SLC19A2: variants seen among roughly 807,000 people sequenced by gnomAD.
The protein encoded by SLC19A2 is thiamine transporter 1.
A neutral mutation model predicts 44.7 loss-of-function variants in SLC19A2; 27 were observed. The ratio of observed to expected loss-of-function variants is 0.60; its 90% CI spans 0.45 to 0.83. The LOEUF (loss-of-function observed/expected upper bound fraction) is 0.83. Among genes scored for constraint, SLC19A2 ranks in the 40% least tolerant of loss-of-function variants. The pLI is 0.00. For synonymous variants in SLC19A2, 239 were observed against 243.6 expected, an observed-to-expected ratio of 0.98 and a Z score of 0.18; for missense variants, 566 against 613.7, an observed-to-expected ratio of 0.92 and a Z score of 0.82.
In SLC19A2 at chr1:169,477,668, T is replaced by C; in HGVS notation, c.294A>G (p.Lys98=). 6.2e-7 allele frequency: 1 copy of C among 1,613,462 alleles called. No homozygotes were observed. The highest frequency in any genetic ancestry group is 8.5e-7 in the Non-Finnish European group (1 of 1,179,844). ...VFLATDYLRY[K]PVVLLQGLSL... ...TGAGCCCCTGCAGTAGAACAACAGG[T>C]TTATAACGGAGGTAGTCTGTGGCAA... is the stretch of plus-strand genomic sequence containing the variant. Residue 98 remains lysine (K), a synonymous_variant, in exon 2 of 6, where the codon AAA becomes AAG. Coordinates refer to ENST00000236137, the MANE Select transcript of SLC19A2 (RefSeq NM_006996.3).
At chr1:169,466,056 C>A in intron 5 of SLC19A2, 79 bp from the exon 6 acceptor site, 1 of 1,560,140 alleles carries the variant, frequency 6.4e-7, no homozygotes, top group East Asian at 2.3e-5. Context: ...CAGAATTTGT[C>A]CATAAAGCCT....
rs763183040 is a variant in SLC19A2, at chr1:169,468,743, G to C, written c.1124C>G (p.Ala375Gly). 1 of 1,613,662 alleles carries C rather than the reference G, an allele frequency of 6.2e-7. No individual in the cohort carries two copies. The highest frequency in any genetic ancestry group is 1.3e-5 in the African/African-American group (1 of 74,958). ...TLSLFSLLIA[A>G]AVYIMDTVGN... is the part of the protein sequence containing the mutation. ...CACAGTGTCCATGATATACACTGCA[G>C]CAGCAATCAGGAGAGAAAAGAGAGA... The change falls in exon 4 of 6, where the codon GCT becomes GGT. Residue 375 changes from alanine to glycine, a missense_variant. By Grantham distance (60) the Ala-to-Gly change is moderately conservative (BLOSUM62 0). Coordinates refer to ENST00000236137, the MANE Select transcript of SLC19A2 (RefSeq NM_006996.3).
intron 4 of SLC19A2, 95 bp from the exon 5 acceptor site, chr1:169,468,347 TGAA>T (rs1658085175): frequency 1.8e-6 from 2 of 1,098,456 alleles, no homozygotes; most frequent in Admixed American, 2.4e-5. Flanking sequence ...TCTTTAAACA[TGAA>T]GAGTCCTTCT....
intron 1 of SLC19A2, among the ~76,000 whole-genome samples, chr1:169,481,686 T>C (rs1407415613): frequency 1.3e-5 from 2 of 152,234 alleles, no homozygotes; most frequent in African/African-American, 2.4e-5. Flanking sequence ...ACATCTGCTA[T>C]GTGAGCAACG....
At chr1:169,475,192 A>G (rs1313928189) in intron 2 of SLC19A2, among the ~76,000 whole-genome samples, 1 of 152,188 alleles carries the variant, frequency 6.6e-6, no homozygotes, top group Non-Finnish European at 1.5e-5. Context: ...GTGTATCTAT[A>G]AACAAGTATT....
At chr1:169,478,399 G>A (rs1658376134) in intron 1 of SLC19A2, among the ~76,000 whole-genome samples, 1 of 151,162 alleles carries the variant, frequency 6.6e-6, no homozygotes, top group African/African-American at 2.4e-5. Flanking sequence ...TGTCACCTAG[G>A]CTGGAATGCA....
chr1:169,465,797 G>A lies in SLC19A2; in HGVS notation c.*52C>T. The A allele has an allele frequency of 6.2e-7, 1 of 1,601,418 alleles. No individual in the cohort carries two copies. Among genetic ancestry groups the A allele is most frequent in the Non-Finnish European group, 8.5e-7 (1 of 1,171,082 alleles). ...CGCTTTAAAAAATCAAACACATCCA[G>A]GCAGTTGCTGTGCAGAGTTCTTGCT... On this transcript the variant is annotated 3_prime_UTR_variant, in exon 6 of 6. Transcript: ENST00000236137.
intron 2 of SLC19A2, among the ~76,000 whole-genome samples, chr1:169,471,675 C>CGTGTGT (rs140548510): frequency 0.24 from 30,995 of 131,510 alleles, 4,358 homozygotes; most frequent in Non-Finnish European, 0.32. Flanking sequence ...AAAAAACAAA[C>CGTGTGT]GTGTGTGTGT....
chr1:169,470,163 A>C lies in SLC19A2; in HGVS notation c.831T>G (p.Leu277=). 1.9e-6 allele frequency: 3 copies of C among 1,614,060 alleles called. No homozygotes were observed. Among genetic ancestry groups the C allele is most frequent in the Non-Finnish European group, 2.5e-6 (3 of 1,179,954 alleles). The change falls in exon 3 of 6, where the codon CTT becomes CTG. Residue 277 remains leucine (L), a synonymous_variant. Coordinates refer to ENST00000236137, the MANE Select transcript of SLC19A2 (RefSeq NM_006996.3). ...AATCATTCCATAGTACTTTCAATAC[A>C]AGGAGACGGTCTGGCTTGGGTTCCT... The part of the protein sequence containing the change: ...EEPEPKPDRL[L]VLKVLWNDFL...
At chr1:169,468,008 C>A in intron 5 of SLC19A2, 103 bp downstream of exon 5, 1 of 1,156,846 alleles carries the variant, frequency 8.6e-7, no homozygotes, top group South Asian at 1.2e-5. Flanking sequence ...TACTTTACAT[C>A]TGTTCCCTAT....
Position 169,468,836 on chromosome 1 carries a change from C to A in SLC19A2, c.1031G>T (p.Gly344Val). 1 of 1,613,492 alleles carries A rather than the reference C, an allele frequency of 6.2e-7. No individual in the cohort carries two copies. The highest frequency in any genetic ancestry group is 8.5e-7 in the Non-Finnish European group (1 of 1,179,576). ...ACCAACTGCAAACACAGCAACAGCACCTACAGAACAAACAAAAAAAATCCA... is the reference window on the plus strand; with the variant it reads ...ACCAACTGCAAACACAGCAACAGCAACTACAGAACAAACAAAAAAAATCCA... ...GGVEAVSTLLGAVAVFAVGYI... is the reference protein window; with the variant it reads ...GGVEAVSTLLVAVAVFAVGYI... Residue 344 changes from glycine (G) to valine (V), a missense_variant and splice_region_variant, in exon 4 of 6, where the codon GGT (glycine) becomes GTT (valine). Physicochemically the swap from Gly to Val is moderately radical, Grantham distance 109 (BLOSUM62 -3). Transcript: ENST00000236137.
In SLC19A2 at chr1:169,465,963, G is replaced by A. The variant is rs151078749; in HGVS notation, c.1380C>T (p.Ala460=). The A allele has an allele frequency of 2.2e-5, 36 of 1,613,862 alleles. No homozygotes were observed. In the African/African-American group the frequency reaches 4.0e-4, roughly 18 times the overall value. The change falls in exon 6 of 6, where the codon GCC becomes GCT. Residue 460 remains alanine (A), a synonymous_variant. Coordinates refer to ENST00000236137, the MANE Select transcript of SLC19A2 (RefSeq NM_006996.3). ...LEITTQFLIY[A]SYFALIAVVF... ...CCACAGCGATGAGTGCAAAATAACTGGCATAGATCAAAAACTAGAAGGGGG... is the reference window on the plus strand; with the variant it reads ...CCACAGCGATGAGTGCAAAATAACTAGCATAGATCAAAAACTAGAAGGGGG...
At chr1:169,466,114 A>C in intron 5 of SLC19A2, 137 bp from the exon 6 acceptor site, 1 of 961,256 alleles carries the variant, frequency 1.0e-6, no homozygotes, top group South Asian at 1.5e-5. Flanking sequence ...TGAAGACACA[A>C]AGCAGCATCA....
At chr1:169,481,555 A>G (rs1413955320) in intron 1 of SLC19A2, among the ~76,000 whole-genome samples, 2 of 152,178 alleles carry the variant, frequency 1.3e-5, no homozygotes, top group Non-Finnish European at 2.9e-5. Flanking sequence ...CAGTGTTTCC[A>G]ATGACAGCAA....
In SLC19A2 at chr1:169,477,258, C is replaced by A; in HGVS notation, c.704G>T (p.Gly235Val). The change falls in exon 2 of 6, where the codon GGT (glycine) becomes GTT (valine). Residue 235 changes from glycine (G) to valine (V), a missense_variant. Coordinates refer to ENST00000236137, the MANE Select transcript of SLC19A2 (RefSeq NM_006996.3). ...AGCTGGGGTGTCAGTAACAATGCCA[C>A]CATTTTGTACCTTGATGCCATTCAC... is the stretch of plus-strand genomic sequence containing the variant. ...QRVNGIKVQN[G>V]GIVTDTPASN... 1 of 1,614,130 alleles carries A rather than the reference C, an allele frequency of 6.2e-7. No homozygotes were observed. Among genetic ancestry groups the A allele is most frequent in the Non-Finnish European group, 8.5e-7 (1 of 1,180,020 alleles).
chr1:169,474,439 A>C (rs1658264691), intron 2 of SLC19A2, among the ~76,000 whole-genome samples: 1 of 152,208 alleles, frequency 6.6e-6, no homozygotes, highest in Non-Finnish European at 1.5e-5. Context: ...CAATCAGCCA[A>C]CTACATAATG....
At chr1:169,473,320 T>C (rs182332002) in intron 2 of SLC19A2, among the ~76,000 whole-genome samples, 15 of 152,148 alleles carry the variant, frequency 9.9e-5, no homozygotes, top group Admixed American at 9.8e-4. Flanking sequence ...CTGCAACCTC[T>C]GCCTCCCGGG....
At chr1:169,466,273 C>A (rs3946152) in intron 5 of SLC19A2, among the ~76,000 whole-genome samples, 3 of 152,126 alleles carry the variant, frequency 2.0e-5, no homozygotes, top group African/African-American at 7.2e-5. Context: ...CACTTTACAG[C>A]GATGTTGGTA....
At position 169,465,177 on chromosome 1, in the gene SLC19A2, G is replaced by A. The variant is rs1449413080; in HGVS notation, c.*672C>T. 2 of 152,124 alleles carry A rather than the reference G, an allele frequency of 1.3e-5. No individual in the cohort carries two copies. Among genetic ancestry groups the A allele is most frequent in the South Asian group, 2.1e-4 (1 of 4,836 alleles). The allele number at this position is 152,124 out of a possible 1,614,324, so 9.4% of individuals were successfully genotyped here. On this transcript the variant is annotated 3_prime_UTR_variant, in exon 6 of 6. Coordinates refer to ENST00000236137, the MANE Select transcript of SLC19A2 (RefSeq NM_006996.3). ...GGAAGCATATGAATAATGCAAAAAC[G>A]TACTTCTAAACAAATTTTACAGAAA...
Sources: gnomAD v4.1 joint callset for allele counts (sites outside exome capture counted in the v4.1 genomes callset) on GRCh38, gnomAD v4.1.1 for gene constraint, MANE v1.5 for transcripts, NCBI Gene and HGNC (gene_info 2026-07-23, HGNC 2026-07-21) for gene names.